The following EDNRB variants were observed in gnomAD, a reference collection of about 807,000 sequenced individuals.
EDNRB encodes the protein Hirschsprung disease 2.
Under a neutral mutation model 46.4 loss-of-function variants are expected in EDNRB, and 18 were observed. The ratio of observed to expected loss-of-function variants is 0.39; its 90% CI spans 0.27 to 0.57. The LOEUF is 0.57. Ranked by LOEUF, EDNRB falls within the 20% of genes least tolerant of loss-of-function variation. The probability of loss-of-function intolerance (pLI) is 0.61; values close to 1 mark genes in which losing one functional copy is unlikely to be tolerated. For missense variants in EDNRB, 434 were observed against 537.5 expected (o/e 0.81, Z 1.90); for synonymous variants, 213 against 204.9 (o/e 1.04, Z -0.34).
At chr13:77,953,346 GTA>G (rs1299473715) in intron 1 of EDNRB, among the ~76,000 whole-genome samples, 1 of 151,076 alleles carries the variant, frequency 6.6e-6, no homozygotes, top group Non-Finnish European at 1.5e-5. Context: ...TACTGTATTT[GTA>G]TTTTTAAAGA....
In EDNRB at chr13:77,898,290, G is replaced by C. The variant is rs139317762; in HGVS notation, c.1239C>G (p.Ser413=). The part of the protein sequence containing the change: ...CWCQSFEEKQ[S]LEEKQSCLKF... ...TTAAGCACGACTGCTTTTCCTCCAA[G>C]GACTGTTTTTCTTCAAATGACTGGC... Residue 413 remains serine (S), a synonymous_variant, in exon 7 of 7, where the codon TCC becomes TCG. Transcript: ENST00000646607. 3,047 of 1,612,108 alleles carry C rather than the reference G, an allele frequency of 1.9e-3. 9 individuals carry two copies. Among genetic ancestry groups the C allele is most frequent in the Middle Eastern group, 9.1e-3 (55 of 6,044 alleles).
intron 1 of EDNRB, among the ~76,000 whole-genome samples, chr13:77,966,401 A>C (rs915553967): frequency 6.6e-6 from 1 of 152,082 alleles, no homozygotes; most frequent in African/African-American, 2.4e-5. Flanking sequence ...TTCCTCCCCC[A>C]CTACTTCTTT....
intron 1 of EDNRB, among the ~76,000 whole-genome samples, chr13:77,937,996 A>G (rs946014027): frequency 1.3e-5 from 2 of 152,182 alleles, no homozygotes; most frequent in Admixed American, 1.3e-4. Context: ...GGAAAAATTG[A>G]AAGTGCCATT....
At chr13:77,949,135 T>C (rs1349940231) in intron 1 of EDNRB, among the ~76,000 whole-genome samples, 1 of 152,218 alleles carries the variant, frequency 6.6e-6, no homozygotes, top group African/African-American at 2.4e-5. Flanking sequence ...ATACAGTCTA[T>C]GATATTACAG....
chr13:77,900,037 G>A, intron 5 of EDNRB, 70 bp from the exon 6 acceptor site: 1 of 1,367,042 alleles, frequency 7.3e-7, no homozygotes, highest in Non-Finnish European at 1.0e-6. Flanking sequence ...TGTAGCTTCT[G>A]TGCTTTTGTA....
intron 1 of EDNRB, among the ~76,000 whole-genome samples, chr13:77,945,876 C>CAAAAAACA (rs1880889413): frequency 8.7e-6 from 1 of 115,592 alleles, no homozygotes; most frequent in African/African-American, 3.2e-5. Flanking sequence ...TGCAAAAAAC[C>CAAAAAACA]AAAAAAAAAA....
intron 1 of EDNRB, among the ~76,000 whole-genome samples, chr13:77,931,065 A>G (rs1880382886): frequency 6.6e-6 from 1 of 152,196 alleles, no homozygotes; most frequent in South Asian, 2.1e-4. Context: ...AGCGGCATCT[A>G]AATAGTTGCT....
upstream of EDNRB, among the ~76,000 whole-genome samples, chr13:77,921,361 C>A (rs573701252): frequency 1.3e-5 from 2 of 152,326 alleles, no homozygotes; most frequent in South Asian, 4.1e-4. Context: ...ACAGTATCAG[C>A]TACTCCTTAC....
intron 1 of EDNRB, among the ~76,000 whole-genome samples, chr13:77,909,431 CT>C (rs1422596174): frequency 2.0e-5 from 3 of 151,844 alleles, no homozygotes; most frequent in African/African-American, 7.3e-5. Flanking sequence ...AAATCACATA[CT>C]TGAGATAATA....
chr13:77,954,297 C>T (rs1881171503), intron 1 of EDNRB, among the ~76,000 whole-genome samples: 1 of 151,974 alleles, frequency 6.6e-6, no homozygotes, highest in South Asian at 2.1e-4. Context: ...CCCCTTCTCC[C>T]ATTCTCTGGT....
intron 1 of EDNRB, among the ~76,000 whole-genome samples, chr13:77,966,687 A>G (rs981221543): frequency 6.6e-6 from 1 of 152,182 alleles, no homozygotes; most frequent in Non-Finnish European, 1.5e-5. Context: ...AAAATTTGGA[A>G]CTTCTTTTGC....
intron 1 of EDNRB, among the ~76,000 whole-genome samples, chr13:77,929,557 CAGCTATCTTAGTTCTTCTGA>C (rs1880328696): frequency 1.3e-5 from 2 of 152,268 alleles, no homozygotes; most frequent in East Asian, 3.9e-4. Flanking sequence ...AATGAAATAT[CAGCTATCTTAGTTCTTCTGA>C]AGTTTAGATG....
chr13:77,922,551 G>C (rs560167177), upstream of EDNRB, among the ~76,000 whole-genome samples: 4 of 152,162 alleles, frequency 2.6e-5, no homozygotes, highest in Admixed American at 2.6e-4. Flanking sequence ...TGGTTCAACT[G>C]GTTCTCCACA....
At chr13:77,915,149 A>C (rs1879746644) in intron 1 of EDNRB, among the ~76,000 whole-genome samples, 1 of 152,160 alleles carries the variant, frequency 6.6e-6, no homozygotes, top group South Asian at 2.1e-4. Flanking sequence ...TGAAATTCTA[A>C]ATGCATTAAA....
At chr13:77,905,786 T>G (rs1879244125) in intron 1 of EDNRB, among the ~76,000 whole-genome samples, 1 of 151,430 alleles carries the variant, frequency 6.6e-6, no homozygotes, top group Non-Finnish European at 1.5e-5. Flanking sequence ...CGCCCTGAGG[T>G]CAAAACAAGC....
chr13:77,966,923 A>G (rs543320860), intron 1 of EDNRB, among the ~76,000 whole-genome samples: 29 of 152,278 alleles, frequency 1.9e-4, no homozygotes, highest in African/African-American at 6.5e-4. Context: ...TTCGGCTGAC[A>G]TGTCTTATTA....
chr13:77,933,389 A>G lies in EDNRB; in HGVS notation c.-51-14765T>C, dbSNP rs1182157080. Among the ~76,000 whole-genome samples, 3 of 152,258 alleles carry G rather than the reference A, an allele frequency of 2.0e-5. No homozygotes were observed. The East Asian group carries it at 5.8e-4, about 29-fold the overall frequency. On this transcript the variant is annotated intron_variant, in intron 1 of 7. Transcript: ENST00000646948. ...GTAGGTAAAGGAAAATTACAGTCAA[A>G]GGGGGGTTGTTCTCTGGCGGGCAGG...
chr13:77,899,897 G>A lies in EDNRB; in HGVS notation c.1156C>T (p.Leu386=), dbSNP rs1255689741. The A allele has an allele frequency of 3.1e-6, 5 of 1,611,816 alleles. No homozygotes were observed. The Admixed American group carries it at 8.4e-5, about 27-fold the overall frequency. The change falls in exon 6 of 7, where the codon CTG becomes TTG. Residue 386 remains leucine (L), a synonymous_variant. Transcript: ENST00000646607. ...SLNSCINPIA[L]YLVSKRFKNC... ...TTGAATCTTTTGCTCACCAAATACA[G>A]AGCAATTGGGTTAATGCAGGAATTC...
At chr13:77,919,282 C>A, upstream of EDNRB, 2 of 1,129,778 alleles carry the variant, frequency 1.8e-6, no homozygotes, top group Non-Finnish European at 2.5e-6. Context: ...TTAATTTGCC[C>A]TCTCTATAGG....
Sources: allele counts gnomAD v4.1 joint callset (sites outside exome capture counted in the v4.1 genomes callset), GRCh38; gene constraint gnomAD v4.1.1; transcripts MANE v1.5; gene names NCBI Gene and HGNC (gene_info 2026-07-23, HGNC 2026-07-21).